The following CCDC30 variants were observed in gnomAD, a reference collection of about 807,000 sequenced individuals.
CCDC30 encodes the protein coiled-coil domain-containing protein 30.
A neutral mutation model predicts 100.2 loss-of-function variants in CCDC30; 70 were observed. The observed-to-expected ratio is 0.70, with a 90% CI of 0.58 to 0.85. The LOEUF (loss-of-function observed/expected upper bound fraction) is 0.85. Ranked by LOEUF, CCDC30 falls within the 40% of genes least tolerant of loss-of-function variation. The pLI, the probability that CCDC30 is intolerant of heterozygous loss-of-function variation, is 0.00. For missense variants in CCDC30, 652 were observed against 771.2 expected (o/e 0.85, Z 1.83); for synonymous variants, 233 against 269.5 (o/e 0.86, Z 1.33).
intron 3 of CCDC30, among the ~76,000 whole-genome samples, chr1:42,483,986 T>A (rs1569761789): frequency 6.6e-6 from 1 of 152,024 alleles, no homozygotes; most frequent in Admixed American, 6.6e-5. Flanking sequence ...AATTTTAAAT[T>A]ATAATTATCT....
At chr1:42,623,467 C>T (rs1054580153) in intron 11 of CCDC30, among the ~76,000 whole-genome samples, 5 of 152,146 alleles carry the variant, frequency 3.3e-5, no homozygotes, top group African/African-American at 1.2e-4. Flanking sequence ...ATCCAGTTTT[C>T]CCAGCACCAT....
At chr1:42,592,997 T>C (rs545503345) in intron 10 of CCDC30, 85 of 152,324 alleles carry the variant, frequency 5.6e-4, no homozygotes, top group African/African-American at 2.0e-3. Context: ...ATACAACTTC[T>C]GACACCAGTT....
At chr1:42,506,542 G>T (rs774887570) in intron 6 of CCDC30, among the ~76,000 whole-genome samples, 8 of 152,120 alleles carry the variant, frequency 5.3e-5, no homozygotes, top group Non-Finnish European at 8.8e-5. Flanking sequence ...TAGAATTTTA[G>T]AAATCCCATA....
intron 6 of CCDC30, among the ~76,000 whole-genome samples, chr1:42,564,519 A>ACCTCAGGTGATCCACCCACTTCGG (rs370943075): frequency 1.3e-5 from 2 of 151,038 alleles, no homozygotes; most frequent in Non-Finnish European, 3.0e-5. Context: ...TGAACTCCTG[A>ACCTCAGGTGATCCACCCACTTCGG]CCTCCCAAAG....
upstream of CCDC30, chr1:42,459,705 G>A (rs1458168951): frequency 1.9e-6 from 3 of 1,614,094 alleles, no homozygotes; most frequent in Non-Finnish European, 2.5e-6. Context: ...CCCCGCCATT[G>A]TAATTAATCG....
chr1:42,509,983 A>G (rs1644451803), intron 6 of CCDC30: 6 of 869,318 alleles, frequency 6.9e-6, no homozygotes, highest in Non-Finnish European at 6.9e-6. Context: ...GGGGAAATTA[A>G]CTTTTCCCAG....
intron 10 of CCDC30, among the ~76,000 whole-genome samples, chr1:42,600,808 GCTCTCTCT>G (rs150834412): frequency 6.8e-6 from 1 of 146,784 alleles, no homozygotes; most frequent in Admixed American, 6.8e-5. Flanking sequence ...TTCCCCCTGT[GCTCTCTCT>G]CTCTCTCTCT....
chr1:42,652,020 A>C (rs1446492079), intron 15 of CCDC30, among the ~76,000 whole-genome samples: 2 of 152,238 alleles, frequency 1.3e-5, no homozygotes, highest in East Asian at 1.9e-4. Context: ...GAACTACCAT[A>C]TGATCCAGCA....
intron 6 of CCDC30, among the ~76,000 whole-genome samples, chr1:42,546,397 AAAATATATATATATATATAT>A (rs1428911198): frequency 4.2e-3 from 18 of 4,292 alleles, no homozygotes; most frequent in South Asian, 8.9e-3. Context: ...AAAAAAAAAA[AAAATATATATATATATATAT>A]ATATATATAT....
intron 1 of CCDC30, among the ~76,000 whole-genome samples, chr1:42,464,980 C>A (rs1322273784): frequency 6.6e-6 from 1 of 152,172 alleles, no homozygotes; most frequent in Non-Finnish European, 1.5e-5. Flanking sequence ...TTCAATCTTG[C>A]ACATTAAATT....
At chr1:42,577,195 A>G (rs754845684) in exon 8 of CCDC30, 4 of 1,614,126 alleles carry the variant, frequency 2.5e-6, no homozygotes, top group Non-Finnish European at 3.4e-6. Flanking sequence ...AAGCTGGTTC[A>G]GGAGAAATCT....
At chr1:42,575,662 G>A (rs370235971) in intron 7 of CCDC30, among the ~76,000 whole-genome samples, 837 of 41,510 alleles carry the variant, frequency 0.02, 13 homozygotes, top group African/African-American at 0.056. Flanking sequence ...AAAAAAAGAA[G>A]CAAACAAACA....
At chr1:42,593,948 G>A (rs746613985) in intron 10 of CCDC30, 1 of 152,158 alleles carries the variant, frequency 6.6e-6, no homozygotes, top group Admixed American at 6.5e-5. Context: ...GCTTAGAAGA[G>A]TGGGGTCATG....
At chr1:42,604,735 T>A (rs1487658547) in intron 10 of CCDC30, among the ~76,000 whole-genome samples, 1 of 152,128 alleles carries the variant, frequency 6.6e-6, no homozygotes, top group Non-Finnish European at 1.5e-5. Context: ...CAGGTCCTCT[T>A]AGGGGAATGT....
intron 1 of CCDC30, chr1:42,473,022 C>T: frequency 1.8e-6 from 2 of 1,099,842 alleles, no homozygotes; most frequent in Middle Eastern, 3.5e-4. Context: ...AAGACTAGTA[C>T]TCTAATAAGG....
chr1:42,546,400 ATATATATATAT>A (rs1309978595), intron 6 of CCDC30, among the ~76,000 whole-genome samples: 17 of 97,592 alleles, frequency 1.7e-4, no homozygotes, highest in Admixed American at 1.1e-3. Flanking sequence ...AAAAAAAAAA[ATATATATATAT>A]ATATATATAT....
At chr1:42,468,908 G>A (rs1643675081) in intron 1 of CCDC30, among the ~76,000 whole-genome samples, 1 of 152,086 alleles carries the variant, frequency 6.6e-6, no homozygotes, top group South Asian at 2.1e-4. Context: ...GGTTTTCCTG[G>A]AAATGGCAGC....
At chr1:42,488,556 A>G (rs1237653622) in intron 3 of CCDC30, among the ~76,000 whole-genome samples, 1 of 152,004 alleles carries the variant, frequency 6.6e-6, no homozygotes, top group Admixed American at 6.6e-5. Context: ...AGCAATCCTC[A>G]TGCCTCAGCC....
chr1:42,470,469 C>T (rs1221115447), intron 1 of CCDC30, among the ~76,000 whole-genome samples: 1 of 152,072 alleles, frequency 6.6e-6, no homozygotes, highest in Non-Finnish European at 1.5e-5. Flanking sequence ...TACGTATATA[C>T]CCCAAAGAAT....
Sources: gnomAD v4.1 joint callset for allele counts (sites outside exome capture counted in the v4.1 genomes callset) on GRCh38, gnomAD v4.1.1 for gene constraint, MANE v1.5 for transcripts, NCBI Gene and HGNC (gene_info 2026-07-23, HGNC 2026-07-21) for gene names.